ATG10: variants seen among roughly 807,000 people sequenced by gnomAD.
The protein encoded by ATG10 is autophagy related 10.
Under a neutral mutation model 32.1 loss-of-function variants are expected in ATG10, and 30 were observed. That is an observed-to-expected ratio of 0.94 (90% CI 0.70 to 1.27). ATG10 has a LOEUF of 1.27. Among genes scored for constraint, ATG10 ranks in the 50% most tolerant of loss-of-function variants. ATG10 has a pLI of 0.00. For synonymous variants in ATG10, 87 were observed against 91.5 expected, an observed-to-expected ratio of 0.95 and a Z score of 0.28; for missense variants, 233 against 262.3, an observed-to-expected ratio of 0.89 and a Z score of 0.77.
chr5:81,980,579 T>A (rs981628067), intron 1 of ATG10, among the ~76,000 whole-genome samples: 1 of 152,182 alleles, frequency 6.6e-6, no homozygotes, highest in Non-Finnish European at 1.5e-5. Flanking sequence ...CCTTTCCTAG[T>A]GTTGAATCTT....
chr5:82,088,978 C>A (rs557330908), intron 3 of ATG10, among the ~76,000 whole-genome samples: 4 of 152,222 alleles, frequency 2.6e-5, no homozygotes, highest in South Asian at 4.1e-4. Flanking sequence ...ATATTTAGAA[C>A]CTTTTTTAAA....
At chr5:82,234,037 T>A (rs559548753) in intron 5 of ATG10, among the ~76,000 whole-genome samples, 1 of 152,068 alleles carries the variant, frequency 6.6e-6, no homozygotes, top group South Asian at 2.1e-4. Flanking sequence ...GCACAGATTA[T>A]AAGAATGTAA....
At chr5:82,241,845 A>G (rs1746816626) in intron 5 of ATG10, among the ~76,000 whole-genome samples, 1 of 152,040 alleles carries the variant, frequency 6.6e-6, no homozygotes, top group Admixed American at 6.6e-5. Context: ...TAAAAAAAGA[A>G]AAAAAAACCT....
intron 4 of ATG10, 134 bp downstream of exon 4, chr5:82,164,671 TA>T: frequency 1.2e-6 from 1 of 811,382 alleles, no homozygotes; most frequent in Non-Finnish European, 1.9e-6. Flanking sequence ...GGTAAGGTTT[TA>T]CCACTAAATT....
intron 1 of ATG10, among the ~76,000 whole-genome samples, chr5:81,973,987 C>G (rs865990118): frequency 1.4e-4 from 22 of 152,132 alleles, no homozygotes; most frequent in South Asian, 4.2e-4. Context: ...GTGGGCCATT[C>G]AAGTTATGTA....
intron 5 of ATG10, among the ~76,000 whole-genome samples, chr5:82,215,392 T>C (rs1745637666): frequency 6.6e-6 from 1 of 152,166 alleles, no homozygotes. Flanking sequence ...TTCTATTTGT[T>C]AGAAGCAAGA....
intron 4 of ATG10, among the ~76,000 whole-genome samples, chr5:82,174,384 A>G (rs779778364): frequency 6.6e-6 from 1 of 152,188 alleles, no homozygotes; most frequent in Non-Finnish European, 1.5e-5. Context: ...AAGCAAAATT[A>G]TATACTTTTG....
At chr5:82,138,832 T>C (rs1241319557) in intron 3 of ATG10, among the ~76,000 whole-genome samples, 2 of 135,444 alleles carry the variant, frequency 1.5e-5, no homozygotes, top group Non-Finnish European at 1.6e-5. Context: ...AGATTGAAAG[T>C]CGAGCTCTCC....
chr5:82,113,123 G>T (rs551512571), intron 3 of ATG10, among the ~76,000 whole-genome samples: 2 of 151,892 alleles, frequency 1.3e-5, no homozygotes, highest in Non-Finnish European at 2.9e-5. Context: ...AGTCACAGAC[G>T]CCGTTTGTTG....
intron 3 of ATG10, among the ~76,000 whole-genome samples, chr5:82,076,618 A>T (rs79710250): frequency 0.05 from 7,563 of 152,248 alleles, 458 homozygotes; most frequent in African/African-American, 0.15. Flanking sequence ...TTATAGTAAT[A>T]TTCTCAGGAA....
intron 3 of ATG10, among the ~76,000 whole-genome samples, chr5:82,067,218 A>G (rs937418527): frequency 6.6e-6 from 1 of 152,168 alleles, no homozygotes; most frequent in Non-Finnish European, 1.5e-5. Flanking sequence ...TGTATGCTAT[A>G]TAGTAGTGTG....
intron 3 of ATG10, among the ~76,000 whole-genome samples, chr5:82,115,867 A>C (rs532974533): frequency 6.6e-6 from 1 of 152,176 alleles, no homozygotes; most frequent in East Asian, 1.9e-4. Context: ...TGGGAAAGAA[A>C]CCAGAGGAGA....
At position 82,090,702 on chromosome 5, in the gene ATG10, C is replaced by G. The variant is rs1170723786; in HGVS notation, c.216+32100C>G. ...TCTTCACTGTATCAGTGTATCAGTG[C>G]ACTGCACTGTATCAGTGCAAATCAT... is the stretch of plus-strand genomic sequence containing the variant. On this transcript the variant is annotated intron_variant, in intron 3 of 7. Coordinates refer to ENST00000282185, the MANE Select transcript of ATG10 (RefSeq NM_031482.5). Among the ~76,000 whole-genome samples, 3 of 152,128 alleles carry G rather than the reference C, an allele frequency of 2.0e-5. No individual in the cohort carries two copies. The East Asian group carries it at 5.8e-4, about 29-fold the overall frequency.
rs111549985 is a variant in ATG10 at position 81,972,251 on chromosome 5, C to G, written c.-68C>G. 0.18 allele frequency: 27,446 copies of G among 152,494 alleles called. 3,023 individuals carry two copies. The highest frequency in any genetic ancestry group is 0.27 in the Middle Eastern group (80 of 296). 9.4% of individuals were successfully genotyped at this position (152,494 alleles called of 1,614,324 possible). On this transcript the variant is annotated 5_prime_UTR_variant, in exon 1 of 8. Transcript: ENST00000282185. ...CTCCCCAGCTCTCCTCCCCCTGGCC[C>G]CGTCGCCCCGCCCTCGCCGGGCTGG...
intron 3 of ATG10, among the ~76,000 whole-genome samples, chr5:82,080,074 G>T (rs1184206064): frequency 6.6e-6 from 1 of 152,120 alleles, no homozygotes; most frequent in African/African-American, 2.4e-5. Flanking sequence ...GGTGTGAGAT[G>T]GTATCTCATT....
At chr5:82,048,437 C>A (rs889369345) in intron 2 of ATG10, among the ~76,000 whole-genome samples, 2 of 151,708 alleles carry the variant, frequency 1.3e-5, no homozygotes, top group Non-Finnish European at 2.9e-5. Flanking sequence ...CCTTCACATC[C>A]CTTGTAAGTT....
intron 3 of ATG10, among the ~76,000 whole-genome samples, chr5:82,104,559 A>G (rs999063292): frequency 6.6e-6 from 1 of 152,154 alleles, no homozygotes; most frequent in Non-Finnish European, 1.5e-5. Context: ...TTTTATAGGT[A>G]AATTAAGTAG....
chr5:82,041,152 TC>T (rs1284854459), intron 2 of ATG10, among the ~76,000 whole-genome samples: 1 of 152,228 alleles, frequency 6.6e-6, no homozygotes, highest in Non-Finnish European at 1.5e-5. Context: ...TTATCTATCT[TC>T]CTTCATTCCT....
At chr5:82,009,829 T>A in intron 2 of ATG10, 1 of 1,607,938 alleles carries the variant, frequency 6.2e-7, no homozygotes, top group Non-Finnish European at 8.5e-7. Context: ...TGCTTTAGGA[T>A]GAAGTTCTCA....
Sources: allele counts gnomAD v4.1 joint callset (sites outside exome capture counted in the v4.1 genomes callset), GRCh38; gene constraint gnomAD v4.1.1; transcripts MANE v1.5; gene names NCBI Gene and HGNC (gene_info 2026-07-23, HGNC 2026-07-21).